ARL10: variants seen among roughly 807,000 people sequenced by gnomAD.
ARL10 encodes the protein ADP-ribosylation factor-like protein 10.
A neutral mutation model predicts 26.1 loss-of-function variants in ARL10; 23 were observed. The observed-to-expected ratio is 0.88, with a 90% confidence interval of 0.63 to 1.25. The LOEUF is 1.25. ARL10 is among the 50% of genes most tolerant of loss of function. The pLI is 0.00. For missense variants in ARL10, 300 were observed against 323.6 expected, an observed-to-expected ratio of 0.93 and a Z score of 0.56; for synonymous variants, 138 against 149.1, an observed-to-expected ratio of 0.93 and a Z score of 0.54.
chr5:176,385,352 G>C (rs1358218054), downstream of ARL10: 1 of 1,335,354 alleles, frequency 7.5e-7, no homozygotes. Flanking sequence ...GAAGCGGGGA[G>C]ACAGGGAATG....
At position 176,394,845 on chromosome 5, in the gene ARL10, T is replaced by C. The variant is rs558798702; in HGVS notation, c.134-6896T>C. Among the ~76,000 whole-genome samples, 3 of 150,672 alleles carry C rather than the reference T, an allele frequency of 2.0e-5. No individual in the cohort carries two copies. The South Asian group carries it at 6.3e-4, about 32-fold the overall frequency. On this transcript the variant is annotated intron_variant, in intron 1 of 1. Coordinates refer to the ARL10 transcript ENST00000514533. ...AAAAAAAAAGTTTGAGAAGCCCTGG[T>C]CTATACTCTCTCTTCAGGGCTCTCC...
At chr5:176,398,475 G>A (rs1162368568) in intron 1 of ARL10, among the ~76,000 whole-genome samples, 1 of 152,116 alleles carries the variant, frequency 6.6e-6, no homozygotes. Context: ...ACTTTGGGAG[G>A]CCGAGGCGGC....
chr5:176,369,133 G>A, intron 3 of ARL10, 151 bp downstream of exon 3: 1 of 1,535,370 alleles, frequency 6.5e-7, no homozygotes, highest in Non-Finnish European at 8.7e-7. Flanking sequence ...CCTGATCCCT[G>A]CCTCTGTCTT....
Position 176,378,364 on chromosome 5 carries a change from A to T in ARL10, c.*6469A>T, listed in dbSNP as rs1755453572. The T allele has an allele frequency of 6.6e-6, 1 of 152,170 alleles. No homozygotes were observed. Among genetic ancestry groups the T allele is most frequent in the Non-Finnish European group, 1.5e-5 (1 of 68,038 alleles). 9.4% of individuals were successfully genotyped at this position (152,170 alleles called of 1,614,324 possible). ...CATGTATGGGCTTCAATCTTATAAG[A>T]ATTTGTTATTTATTTTTCACCTTTA... On this transcript the variant is annotated 3_prime_UTR_variant, in exon 4 of 4. Transcript: ENST00000310389.
chr5:176,388,875 C>T (rs780334821), downstream of ARL10: 5 of 1,614,184 alleles, frequency 3.1e-6, no homozygotes, highest in South Asian at 3.3e-5. Context: ...TCGAAGCCTC[C>T]AGTCATTGAG....
the ARL10 span, among the ~76,000 whole-genome samples, chr5:176,409,405 C>A: frequency 6.4e-5 from 9 of 141,044 alleles, no homozygotes; most frequent in Non-Finnish European, 6.1e-5. Flanking sequence ...ATCTGATTGC[C>A]CTTTTTTTTT....
chr5:176,405,910 T>C (rs777583154), downstream of ARL10: 2 of 151,810 alleles, frequency 1.3e-5, no homozygotes, highest in Admixed American at 6.6e-5. Context: ...ATAGAGGGCG[T>C]GTGCGTATGA....
chr5:176,371,548 C>T (rs1010625650), intron 3 of ARL10, among the ~76,000 whole-genome samples, 174 bp from the exon 4 acceptor site: 13 of 150,848 alleles, frequency 8.6e-5, no homozygotes, highest in Non-Finnish European at 1.5e-4. Context: ...CTGATATTCC[C>T]GGGGATAGCC....
downstream of ARL10, chr5:176,389,111 G>A (rs1756148217): frequency 4.0e-6 from 5 of 1,239,780 alleles, no homozygotes; most frequent in East Asian, 2.3e-5. Context: ...GCGGTGAGGG[G>A]CGAAACTGAT....
chr5:176,409,085 T>C, the ARL10 span, among the ~76,000 whole-genome samples: 2 of 152,152 alleles, frequency 1.3e-5, no homozygotes, highest in Admixed American at 6.6e-5. Flanking sequence ...CAAGCTATTC[T>C]CCTGCCTCAG....
the ARL10 span, among the ~76,000 whole-genome samples, chr5:176,412,927 A>G: frequency 6.6e-6 from 1 of 151,968 alleles, no homozygotes; most frequent in Non-Finnish European, 1.5e-5. Flanking sequence ...CGGTCTGTAC[A>G]TTTGGCCTTC....
At chr5:176,386,030 A>G (rs953251), downstream of ARL10, 14,895 of 152,642 alleles carry the variant, frequency 0.098, 840 homozygotes, top group African/African-American at 0.14. Flanking sequence ...CTGGAGGTAG[A>G]GGAAGATGGG....
downstream of ARL10, chr5:176,386,788 G>C (rs1471241987): frequency 3.3e-6 from 5 of 1,519,980 alleles, no homozygotes; most frequent in South Asian, 4.5e-5. Flanking sequence ...GCCCTTCCCA[G>C]CTTCCCACAG....
downstream of ARL10, chr5:176,384,710 C>T (rs1205133865): frequency 7.7e-6 from 3 of 388,318 alleles, no homozygotes; most frequent in Admixed American, 4.3e-5. Context: ...GATGAGGCTG[C>T]GGTGAGCCAT....
At chr5:176,409,838 C>T in the ARL10 span, among the ~76,000 whole-genome samples, 40 of 152,312 alleles carry the variant, frequency 2.6e-4, no homozygotes, top group African/African-American at 9.4e-4. Context: ...ATCTGGGTGG[C>T]CTTGTCCAAT....
downstream of ARL10, among the ~76,000 whole-genome samples, chr5:176,390,699 G>A (rs538072513): frequency 6.6e-6 from 1 of 151,808 alleles, no homozygotes; most frequent in East Asian, 1.9e-4. Flanking sequence ...CCCCAACCTC[G>A]GCCTCCCAAA....
At chr5:176,412,125 G>T in the ARL10 span, among the ~76,000 whole-genome samples, 9 of 147,026 alleles carry the variant, frequency 6.1e-5, no homozygotes, top group Non-Finnish European at 1.2e-4. Flanking sequence ...GCAGTGAGCC[G>T]AGATCCCGCC....
chr5:176,379,144 A>G lies in ARL10; in HGVS notation c.*7249A>G, dbSNP rs1015431904. On this transcript the variant is annotated 3_prime_UTR_variant, in exon 4 of 4. Coordinates refer to ENST00000310389, the MANE Select transcript of ARL10 (RefSeq NM_173664.6). The stretch of plus-strand genomic sequence containing the variant: ...TATGTGATGGGCCTGTGCTTTCCCA[A>G]CTATGTTCTTTTTTATGTATGTATG... The G allele has an allele frequency of 2.0e-5, 3 of 152,026 alleles. No homozygotes were observed. The highest frequency in any genetic ancestry group is 2.9e-5 in the Non-Finnish European group (2 of 68,010). The allele number at this position is 152,026 out of a possible 1,614,324, so 9.4% of individuals were successfully genotyped here.
chr5:176,414,505 C>G, the ARL10 span, among the ~76,000 whole-genome samples: 5 of 150,520 alleles, frequency 3.3e-5, no homozygotes, highest in Non-Finnish European at 7.4e-5. Flanking sequence ...GATCACAGCA[C>G]ACGGCGACCT....
Sources: allele counts gnomAD v4.1 joint callset (sites outside exome capture counted in the v4.1 genomes callset), GRCh38; gene constraint gnomAD v4.1.1; transcripts MANE v1.5; gene names NCBI Gene and HGNC (gene_info 2026-07-23, HGNC 2026-07-21).